CMTR1: variants seen among roughly 807,000 people sequenced by gnomAD.
CMTR1 encodes the protein cap methyltransferase 1.
In CMTR1, 39 loss-of-function variants were observed where a neutral mutation model predicts 107.0. The observed-to-expected ratio is 0.36, with a 90% CI of 0.28 to 0.48. CMTR1 has a LOEUF of 0.48. Among genes scored for constraint, CMTR1 ranks in the 20% least tolerant of loss-of-function variants. The pLI is 0.99. For missense variants in CMTR1, 672 were observed against 1,064.9 expected, an observed-to-expected ratio of 0.63 and a Z score of 5.14; for synonymous variants, 366 against 379.5, an observed-to-expected ratio of 0.96 and a Z score of 0.41.
At chr6:37,429,919 C>T (rs1305165781), upstream of CMTR1, among the ~76,000 whole-genome samples, 1 of 148,698 alleles carries the variant, frequency 6.7e-6, no homozygotes, top group African/African-American at 2.5e-5. Context: ...GCCTGGATGA[C>T]AGATCAAGAC....
At chr6:37,475,475 G>A (rs1299190981) in intron 19 of CMTR1, 63 bp downstream of exon 19, 16 of 1,402,832 alleles carry the variant, frequency 1.1e-5, no homozygotes, top group Admixed American at 3.5e-5. Flanking sequence ...GGAGGACAGC[G>A]GCCTCCCGAG....
chr6:37,466,587 T>C (rs74417538), intron 13 of CMTR1, among the ~76,000 whole-genome samples: 3,063 of 152,318 alleles, frequency 0.02, 85 homozygotes, highest in African/African-American at 0.067. Flanking sequence ...TTGATTGGTC[T>C]TGGCATCTGT....
chr6:37,446,606 A>G (rs1771801352), intron 4 of CMTR1, among the ~76,000 whole-genome samples, 157 bp downstream of exon 4: 1 of 152,248 alleles, frequency 6.6e-6, no homozygotes, highest in Admixed American at 6.5e-5. Flanking sequence ...TCCAGAATGG[A>G]AAACAGAAGG....
chr6:37,469,307 C>T lies in CMTR1; in HGVS notation c.1506-1714C>T, dbSNP rs370751754. Among the ~76,000 whole-genome samples the T allele has an allele frequency of 5.3e-5, 8 of 152,000 alleles. No individual in the cohort carries two copies. In the East Asian group the frequency reaches 1.2e-3, roughly 22 times the overall value. Reference sequence around the variant, plus strand: ...TCTGATGAAAAGTCAGCCATTATACCTGTTGTTTTTCTGTATGTCATGTGT... The same window carrying T: ...TCTGATGAAAAGTCAGCCATTATACTTGTTGTTTTTCTGTATGTCATGTGT... On this transcript the variant is annotated intron_variant, in intron 13 of 23. Transcript: ENST00000373451.
At chr6:37,461,763 G>T (rs1185613318) in intron 11 of CMTR1, 118 bp downstream of exon 11, 1 of 827,960 alleles carries the variant, frequency 1.2e-6, no homozygotes, top group African/African-American at 1.7e-5. Flanking sequence ...TAGAGGACAG[G>T]TAGCTAAATG....
intron 2 of CMTR1, among the ~76,000 whole-genome samples, chr6:37,443,789 T>C (rs1771724418): frequency 6.6e-6 from 1 of 152,206 alleles, no homozygotes; most frequent in Non-Finnish European, 1.5e-5. Flanking sequence ...GAGCTCCCAT[T>C]GTGTCAAGTC....
chr6:37,450,095 C>T (rs1418736970), intron 4 of CMTR1, among the ~76,000 whole-genome samples, 156 bp from the exon 5 acceptor site: 2 of 152,194 alleles, frequency 1.3e-5, no homozygotes, highest in Non-Finnish European at 2.9e-5. Flanking sequence ...CTGGCTCTCA[C>T]GTCTCATGTC....
chr6:37,450,183 C>A (rs1437551791), intron 4 of CMTR1, 68 bp from the exon 5 acceptor site: 1 of 1,349,250 alleles, frequency 7.4e-7, no homozygotes, highest in African/African-American at 1.4e-5. Flanking sequence ...TGGGGAAGTC[C>A]TGATGAGTTG....
At chr6:37,476,696 C>G (rs116771887) in intron 20 of CMTR1, among the ~76,000 whole-genome samples, 1,553 of 152,230 alleles carry the variant, frequency 0.01, 25 homozygotes, top group African/African-American at 0.035. Flanking sequence ...AGAACAGAGT[C>G]AGGAGGAGAC....
chr6:37,473,581 A>C lies in CMTR1; in HGVS notation c.1801A>C (p.Lys601Gln), dbSNP rs1157534640. 1.9e-6 allele frequency: 3 copies of C among 1,614,008 alleles called. No individual in the cohort carries two copies. Among genetic ancestry groups the C allele is most frequent in the African/African-American group, 1.3e-5 (1 of 75,032 alleles). Residue 601 changes from lysine to glutamine, a missense_variant, in exon 17 of 24, where the codon AAG (lysine) becomes CAG (glutamine). Lys to Gln is a moderately conservative substitution (Grantham distance 53). This residue lies in a region of CMTR1 where 583 missense variants were observed against 968.4 expected (regional missense o/e 0.60). Coordinates refer to ENST00000373451, the MANE Select transcript of CMTR1 (RefSeq NM_015050.3). Reference protein sequence around the residue: ...YRCMVSGSEQKFLIGLGKSQI... With the variant: ...YRCMVSGSEQQFLIGLGKSQI... The stretch of plus-strand genomic sequence containing the variant: ...CTGCATGGTATCTGGCAGTGAGCAG[A>C]AGTTCCTCATCGGCCTGGGGGTAAG...
intron 2 of CMTR1, among the ~76,000 whole-genome samples, chr6:37,442,644 G>A (rs1011955429): frequency 2.6e-5 from 4 of 152,234 alleles, no homozygotes; most frequent in Non-Finnish European, 5.9e-5. Flanking sequence ...CTGGAGCACA[G>A]TGGAAGGGAT....
chr6:37,467,820 TCTAC>T lies in CMTR1; in HGVS notation c.1506-3198_1506-3195del, dbSNP rs66942003. On this transcript the variant is annotated intron_variant, in intron 13 of 23. Transcript: ENST00000373451. ...TGTTTATATGGTCTTTTTTTGTCCT[TCTAC>T]CTTTGTCTTTATGATTAAATATGTT... Among the ~76,000 whole-genome samples, 786 of 152,366 alleles carry T rather than the reference TCTAC, an allele frequency of 5.2e-3. 10 individuals carry two copies. Among genetic ancestry groups the T allele is most frequent in the Middle Eastern group, 0.01 (3 of 294 alleles).
At chr6:37,441,457 C>T (rs1339778692) in intron 2 of CMTR1, among the ~76,000 whole-genome samples, 1 of 151,782 alleles carries the variant, frequency 6.6e-6, no homozygotes, top group African/African-American at 2.4e-5. Context: ...TCTTGTTGCC[C>T]AGGCTGGAGT....
chr6:37,477,653 C>G lies in CMTR1; in HGVS notation c.2153+14C>G. 1 of 1,604,734 alleles carries G rather than the reference C, an allele frequency of 6.2e-7. No individual in the cohort carries two copies. ...GATTTTTGTCAGGTGAGTGACTTGA[C>G]CGGTGAAGCTCAGATTCAAGAGGAG... On this transcript the variant is annotated intron_variant, in intron 21 of 23. Coordinates refer to ENST00000373451, the MANE Select transcript of CMTR1 (RefSeq NM_015050.3).
Position 37,435,722 on chromosome 6 carries a change from C to G in CMTR1, c.93C>G (p.Ser31=). The change falls in exon 2 of 24, where the codon TCC becomes TCG. Residue 31 remains serine (S), a synonymous_variant. Coordinates refer to ENST00000373451, the MANE Select transcript of CMTR1 (RefSeq NM_015050.3). ...AELALSLSST[S]DDEPPSSVSH... ...TTGCCCTGAGCCTCAGCTCCACGTC[C>G]GATGATGAACCTCCCTCCTCTGTCA... 1 of 1,600,804 alleles carries G rather than the reference C, an allele frequency of 6.2e-7. No homozygotes were observed. Among genetic ancestry groups the G allele is most frequent in the South Asian group, 1.1e-5 (1 of 88,418 alleles).
chr6:37,470,829 C>T (rs1001631275), intron 13 of CMTR1, among the ~76,000 whole-genome samples, 192 bp from the exon 14 acceptor site: 11 of 152,136 alleles, frequency 7.2e-5, no homozygotes, highest in African/African-American at 2.7e-4. Context: ...CCCAGTTTTC[C>T]TGTTCTACCC....
intron 18 of CMTR1, 22 bp downstream of exon 18, chr6:37,474,668 G>T: frequency 1.2e-6 from 2 of 1,612,480 alleles, no homozygotes; most frequent in African/African-American, 1.3e-5. Context: ...TTCTGCTCAG[G>T]TGTTGGCCCT....
At position 37,446,333 on chromosome 6, in the gene CMTR1, A is replaced by C; in HGVS notation, c.328A>C (p.Ser110Arg). Residue 110 changes from serine to arginine, a missense_variant, in exon 4 of 24, where the codon AGC becomes CGC. Ser to Arg is a moderately radical substitution (Grantham distance 110). Transcript: ENST00000373451. ...FREGEGLGKY[S>R]QGRKDIVEAS... is the part of the protein sequence containing the mutation. ...GGAAGGTGAAGGATTGGGTAAATAC[A>C]GCCAGGGTCGGAAGGACATCGTTGA... 1.2e-6 allele frequency: 2 copies of C among 1,614,222 alleles called. No homozygotes were observed. The highest frequency in any genetic ancestry group is 1.7e-6 in the Non-Finnish European group (2 of 1,180,034).
intron 10 of CMTR1, 34 bp downstream of exon 10, chr6:37,459,718 A>G (rs200782942): frequency 3.1e-4 from 447 of 1,419,494 alleles, no homozygotes; most frequent in Admixed American, 1.2e-3. Flanking sequence ...CTGATGCATT[A>G]AGGATTTGTT....
Sources: allele counts gnomAD v4.1 joint callset (sites outside exome capture counted in the v4.1 genomes callset), GRCh38; gene constraint gnomAD v4.1.1; regional missense constraint gnomAD v4.1.1; transcripts MANE v1.5; gene names NCBI Gene and HGNC (gene_info 2026-07-23, HGNC 2026-07-21).